The following ASTN2 variants were observed in gnomAD, a reference collection of about 807,000 sequenced individuals.
ASTN2 encodes the protein astrotactin 2, also known as astrotactin-2.
A neutral mutation model predicts 139.8 loss-of-function variants in ASTN2; 54 were observed. That is an observed-to-expected ratio of 0.39 (90% confidence interval 0.31 to 0.48). ASTN2 has a LOEUF of 0.48. ASTN2 is among the 20% of genes least tolerant of loss of function. ASTN2 has a pLI of 0.95. For synonymous variants in ASTN2, 756 were observed against 719.5 expected (o/e 1.05, Z -0.81); for missense variants, 1,565 against 1,725.1 (o/e 0.91, Z 1.64).
intron 16 of ASTN2, chr9:116,687,083 G>A: frequency 8.3e-7 from 1 of 1,209,338 alleles, no homozygotes; most frequent in South Asian, 2.1e-5. Context: ...ACTTGAGCAG[G>A]TCCCTTTCGC....
At chr9:116,806,800 C>A (rs981071118) in intron 12 of ASTN2, among the ~76,000 whole-genome samples, 2 of 151,984 alleles carry the variant, frequency 1.3e-5, no homozygotes, top group African/African-American at 4.8e-5. Context: ...ACAAAAAAAA[C>A]AGGAATTGCA....
In ASTN2 at chr9:117,414,942, G is replaced by A. The variant is rs1564192806; in HGVS notation, c.-4C>T. ...GCCGGGCGCCGGCGGCGGCCATGGC[G>A]GGAGGGGCTGCGGTGCTGCGGGCGG... On this transcript the variant is annotated 5_prime_UTR_variant, in exon 1 of 23. Coordinates refer to ENST00000313400, the MANE Select transcript of ASTN2 (RefSeq NM_001365068.1). This position sits in a 1 kb window ranked among gnomAD's most constrained non-coding sequence, Gnocchi z 4.2. 1 of 322,562 alleles carries A rather than the reference G, an allele frequency of 3.1e-6. No individual in the cohort carries two copies. Among genetic ancestry groups the A allele is most frequent in the Non-Finnish European group, 4.8e-6 (1 of 208,756 alleles). The allele number at this position is 322,562 out of a possible 1,614,324, so 20.0% of individuals were successfully genotyped here. A position where few individuals can be genotyped will look rare whatever the true frequency, so the allele number is the denominator to read the frequency against.
At chr9:116,914,860 G>T (rs993024313) in intron 10 of ASTN2, among the ~76,000 whole-genome samples, 1 of 152,160 alleles carries the variant, frequency 6.6e-6, no homozygotes, top group Non-Finnish European at 1.5e-5. Flanking sequence ...CCATTTTGTA[G>T]ATGAGCTAAC....
At chr9:116,831,035 T>G (rs986936755) in intron 11 of ASTN2, among the ~76,000 whole-genome samples, 3 of 151,398 alleles carry the variant, frequency 2.0e-5, no homozygotes, top group African/African-American at 7.3e-5. Context: ...AAATCATGTC[T>G]TTTGCAGCAA....
At chr9:116,647,452 C>G (rs1290956509) in intron 17 of ASTN2, among the ~76,000 whole-genome samples, 1 of 152,144 alleles carries the variant, frequency 6.6e-6, no homozygotes, top group Non-Finnish European at 1.5e-5. Context: ...TCACACACCA[C>G]TAATTAGCCT....
At chr9:117,154,244 C>T (rs1449329820) in intron 3 of ASTN2, among the ~76,000 whole-genome samples, 2 of 151,976 alleles carry the variant, frequency 1.3e-5, no homozygotes, top group South Asian at 2.1e-4. Flanking sequence ...GCTAAGTTGG[C>T]GTTACTATGA....
chr9:116,980,723 T>G (rs997760074), intron 7 of ASTN2, among the ~76,000 whole-genome samples: 1 of 152,224 alleles, frequency 6.6e-6, no homozygotes, highest in Non-Finnish European at 1.5e-5. Context: ...TCTCCATCAA[T>G]GCCATAGGTA....
intron 22 of ASTN2, among the ~76,000 whole-genome samples, chr9:116,434,098 T>C (rs1313671192): frequency 6.6e-6 from 1 of 152,178 alleles, no homozygotes; most frequent in Non-Finnish European, 1.5e-5. Context: ...GGTATTAGTA[T>C]GAGTATTTAT....
intron 10 of ASTN2, among the ~76,000 whole-genome samples, chr9:116,882,701 C>T (rs1833480063): frequency 6.6e-6 from 1 of 152,132 alleles, no homozygotes; most frequent in Admixed American, 6.5e-5. Flanking sequence ...GTGGCTCACT[C>T]CTATGATCCC....
At chr9:116,484,720 T>A (rs901404180) in intron 20 of ASTN2, among the ~76,000 whole-genome samples, 4 of 152,050 alleles carry the variant, frequency 2.6e-5, no homozygotes, top group African/African-American at 9.7e-5. Flanking sequence ...GAGTTAGAGA[T>A]GACAAGCTCC....
At chr9:117,345,641 G>A (rs928177990) in intron 1 of ASTN2, among the ~76,000 whole-genome samples, 1 of 152,058 alleles carries the variant, frequency 6.6e-6, no homozygotes, top group African/African-American at 2.4e-5. Flanking sequence ...GGTTACAACT[G>A]GTGTTAAGTG....
intron 2 of ASTN2, among the ~76,000 whole-genome samples, chr9:117,246,949 C>A (rs1192520253): frequency 6.6e-6 from 1 of 152,082 alleles, no homozygotes; most frequent in Non-Finnish European, 1.5e-5. Context: ...CCAGAAGCAA[C>A]ATCTGGAATA....
intron 3 of ASTN2, among the ~76,000 whole-genome samples, chr9:117,162,764 G>A (rs1830582145): frequency 6.6e-6 from 1 of 152,034 alleles, no homozygotes; most frequent in Non-Finnish European, 1.5e-5. Context: ...TGCATATGTT[G>A]GTTAGTTATC....
At chr9:116,868,613 T>G (rs1427948346) in intron 10 of ASTN2, among the ~76,000 whole-genome samples, 1 of 152,170 alleles carries the variant, frequency 6.6e-6, no homozygotes, top group African/African-American at 2.4e-5. Flanking sequence ...GTGTTTAAGT[T>G]TACTAGAAGG....
At chr9:116,651,855 T>C in intron 16 of ASTN2, 62 bp from the exon 17 acceptor site, 2 of 1,562,378 alleles carry the variant, frequency 1.3e-6, no homozygotes, top group South Asian at 2.4e-5. Flanking sequence ...AAGGCCAGAC[T>C]CTTGAATTCA....
rs1828049292 is a variant in ASTN2, at chr9:117,313,762, G to GAAATTCTATA, written c.443-22250_443-22249insTATAGAATTT. On this transcript the variant is annotated intron_variant, in intron 1 of 22. Transcript: ENST00000313400. ...ACACAGAGTTTTCATGTGAATAGAT[G>GAAATTCTATA]GTTTAGGACACAGTCCTGCATGTGC... is the stretch of plus-strand genomic sequence containing the variant. Among the ~76,000 whole-genome samples the GAAATTCTATA allele has an allele frequency of 3.9e-5, 6 of 152,230 alleles. No homozygotes were observed. The South Asian group carries it at 8.3e-4, about 21-fold the overall frequency.
At chr9:116,775,821 AAGAAAGGAAGGAAGGC>A (rs1830075018) in intron 13 of ASTN2, among the ~76,000 whole-genome samples, 1 of 147,534 alleles carries the variant, frequency 6.8e-6, no homozygotes, top group African/African-American at 2.5e-5. Context: ...GAAAGGAAGG[AAGAAAGGAAGGAAGGC>A]AGGCAGGCAG....
At chr9:116,818,403 A>G (rs1831394971) in intron 12 of ASTN2, among the ~76,000 whole-genome samples, 1 of 152,216 alleles carries the variant, frequency 6.6e-6, no homozygotes, top group Admixed American at 6.5e-5. Context: ...CAGTGCTTCT[A>G]ACAAGTGTGG....
chr9:116,983,293 G>C (rs979031346), intron 7 of ASTN2, among the ~76,000 whole-genome samples: 1 of 152,152 alleles, frequency 6.6e-6, no homozygotes, highest in Non-Finnish European at 1.5e-5. Context: ...AAAAGTATGG[G>C]TTGGGCATAA....
Sources: allele counts gnomAD v4.1 joint callset (sites outside exome capture counted in the v4.1 genomes callset), GRCh38; gene constraint gnomAD v4.1.1; non-coding constraint Gnocchi (gnomAD v3.1); transcripts MANE v1.5; gene names NCBI Gene and HGNC (gene_info 2026-07-23, HGNC 2026-07-21).